The following TADA2A variants were observed in gnomAD, a reference collection of about 807,000 sequenced individuals.
TADA2A encodes the protein transcriptional adaptor 2A, also known as transcriptional adapter 2-alpha.
A neutral mutation model predicts 67.4 loss-of-function variants in TADA2A; 38 were observed. That is an observed-to-expected ratio of 0.56 (90% CI 0.44 to 0.74). TADA2A has a LOEUF of 0.74. TADA2A is among the 30% of genes least tolerant of loss of function. The probability of loss-of-function intolerance (pLI) is 0.00; values close to 1 mark genes in which losing one functional copy is unlikely to be tolerated. For synonymous variants in TADA2A, 192 were observed against 181.6 expected (o/e 1.06, Z -0.46); for missense variants, 454 against 547.0 (o/e 0.83, Z 1.70).
intron 14 of TADA2A, 37 bp from the exon 15 acceptor site, chr17:37,474,519 C>T: frequency 6.3e-7 from 1 of 1,598,026 alleles, no homozygotes; most frequent in Non-Finnish European, 8.6e-7. Context: ...ATTGTCACTC[C>T]TATTAAATCT....
chr17:37,427,300 G>A (rs2147935659), intron 4 of TADA2A, among the ~76,000 whole-genome samples: 1 of 152,288 alleles, frequency 6.6e-6, no homozygotes, highest in South Asian at 2.1e-4. Context: ...TTGATATGAG[G>A]ATAACAGGTA....
At chr17:37,439,937 TA>T (rs1470877358) in intron 5 of TADA2A, among the ~76,000 whole-genome samples, 1,574 of 85,648 alleles carry the variant, frequency 0.018, 20 homozygotes, top group African/African-American at 0.045. Flanking sequence ...TTTATTTATT[TA>T]TTTATTATTT....
At chr17:37,440,729 A>T in intron 6 of TADA2A, 67 bp downstream of exon 6, 1 of 1,572,902 alleles carries the variant, frequency 6.4e-7, no homozygotes, top group Non-Finnish European at 8.7e-7. Flanking sequence ...AGTAGCAGAT[A>T]AAGAGTGATT....
rs575554706 is a variant in TADA2A at position 37,423,505 on chromosome 17, C to T, written c.26-4C>T. ...AATGTGCATTTGTTTTCTGTTTGTT[C>T]TAGATGATCCCTCTGATAAGCCACC... On this transcript the variant is annotated splice_polypyrimidine_tract_variant and splice_region_variant and intron_variant, in intron 2 of 15. Transcript: ENST00000615182. The T allele has an allele frequency of 2.5e-6, 4 of 1,603,450 alleles. No homozygotes were observed. In the East Asian group the frequency reaches 8.9e-5, roughly 36 times the overall value.
intron 1 of TADA2A, 48 bp from the exon 2 acceptor site, chr17:37,411,221 C>G: frequency 1.4e-6 from 1 of 731,802 alleles, no homozygotes; most frequent in Admixed American, 2.2e-5. Context: ...TTTATCTTGT[C>G]CCTTTGAATG....
At chr17:37,441,664 C>T (rs1021173953) in intron 6 of TADA2A, among the ~76,000 whole-genome samples, 1 of 124,602 alleles carries the variant, frequency 8.0e-6, no homozygotes, top group South Asian at 2.9e-4. Flanking sequence ...GCTGGTAATA[C>T]CTCCTTTTTT....
chr17:37,423,823 A>G (rs1420262496), intron 3 of TADA2A, among the ~76,000 whole-genome samples: 2 of 148,868 alleles, frequency 1.3e-5, no homozygotes, highest in Admixed American at 6.8e-5. Context: ...CATCTCTGCT[A>G]ACTGCAATCT....
At chr17:37,431,249 T>G (rs1308438975) in intron 4 of TADA2A, among the ~76,000 whole-genome samples, 2 of 152,168 alleles carry the variant, frequency 1.3e-5, no homozygotes, top group African/African-American at 4.8e-5. Context: ...ATGACCATTT[T>G]ATTATCTCCC....
chr17:37,463,326 T>C (rs1467186036), intron 10 of TADA2A, among the ~76,000 whole-genome samples: 1 of 152,180 alleles, frequency 6.6e-6, no homozygotes, highest in African/African-American at 2.4e-5. Flanking sequence ...TGGTTAGGTT[T>C]GTACAATAAC....
chr17:37,440,953 G>T (rs2052898040), intron 6 of TADA2A, among the ~76,000 whole-genome samples: 1 of 152,162 alleles, frequency 6.6e-6, no homozygotes, highest in African/African-American at 2.4e-5. Context: ...AGATTAGCTG[G>T]ACGTGGTGGC....
intron 1 of TADA2A, among the ~76,000 whole-genome samples, chr17:37,408,860 TGATGGCAG>T (rs1449220349): frequency 6.6e-6 from 1 of 152,206 alleles, no homozygotes; most frequent in Non-Finnish European, 1.5e-5. Context: ...GAAAGTTCTT[TGATGGCAG>T]CGTTAGCAGA....
intron 15 of TADA2A, 42 bp from the exon 16 acceptor site, chr17:37,476,755 A>G: frequency 6.4e-7 from 1 of 1,568,158 alleles, no homozygotes; most frequent in Non-Finnish European, 8.7e-7. Context: ...AATTACAAAA[A>G]TGACAGATGT....
intron 12 of TADA2A, among the ~76,000 whole-genome samples, chr17:37,468,514 C>T (rs1004823227): frequency 6.6e-6 from 1 of 151,886 alleles, no homozygotes; most frequent in Non-Finnish European, 1.5e-5. Context: ...GTGATTCTAT[C>T]CAAATTTATT....
intron 9 of TADA2A, chr17:37,461,876 G>T: frequency 2.0e-6 from 1 of 502,558 alleles, no homozygotes. Flanking sequence ...TGCCCAACAA[G>T]AGGAAAAACC....
At chr17:37,460,282 G>A (rs1020289944) in intron 9 of TADA2A, among the ~76,000 whole-genome samples, 1 of 151,196 alleles carries the variant, frequency 6.6e-6, no homozygotes. Context: ...GTCTTGCTCC[G>A]TCACCCAGGC....
chr17:37,458,637 TTGTGTGTGTGTGTGTGTGTGTGTG>T, intron 9 of TADA2A, 50 bp downstream of exon 9: 2 of 980,622 alleles, frequency 2.0e-6, no homozygotes, highest in Non-Finnish European at 3.0e-6. Flanking sequence ...GATTATTGTT[TTGTGTGTGTGTGTGTGTGTGTGTG>T]TGTGTGTGTG....
intron 8 of TADA2A, among the ~76,000 whole-genome samples, chr17:37,445,960 A>G (rs1166780217): frequency 6.6e-6 from 1 of 152,090 alleles, no homozygotes; most frequent in Non-Finnish European, 1.5e-5. Flanking sequence ...TAGAAGGGGA[A>G]CTTGATTCTT....
rs1461272546 is a variant in TADA2A, at chr17:37,470,526, C to T, written c.1022C>T (p.Ala341Val). The T allele has an allele frequency of 3.2e-6, 5 of 1,561,920 alleles. No homozygotes were observed. The highest frequency in any genetic ancestry group is 4.3e-6 in the Non-Finnish European group (5 of 1,157,562). Residue 341 changes from alanine to valine, a missense_variant, in exon 13 of 16, where the codon GCT becomes GTT. Around this residue, in one of 2 missense-constraint regions of TADA2A, gnomAD observed 403 missense variants for 455.5 expected, o/e 0.88. Transcript: ENST00000615182. ...SACQQWLRRQ[A>V]DIDSGLSPSI... ...TGCCAGCAGTGGCTCCGCCGGCAAGCTGACATGTGAGTAATTACTCCAGGG... is the reference window on the plus strand; with the variant it reads ...TGCCAGCAGTGGCTCCGCCGGCAAGTTGACATGTGAGTAATTACTCCAGGG...
intron 5 of TADA2A, among the ~76,000 whole-genome samples, chr17:37,439,667 A>G (rs974409300): frequency 1.3e-5 from 2 of 152,138 alleles, no homozygotes; most frequent in Non-Finnish European, 2.9e-5. Flanking sequence ...CATACCACAA[A>G]TTTGATACTA....
Sources: allele counts gnomAD v4.1 joint callset (sites outside exome capture counted in the v4.1 genomes callset), GRCh38; gene constraint gnomAD v4.1.1; regional missense constraint gnomAD v4.1.1; transcripts MANE v1.5; gene names NCBI Gene and HGNC (gene_info 2026-07-23, HGNC 2026-07-21).